The following TLL1 variants were observed in gnomAD, a reference collection of about 807,000 sequenced individuals.
TLL1 encodes tolloid like 1.
In TLL1, 49 loss-of-function variants were observed where a neutral mutation model predicts 128.2. The ratio of observed to expected loss-of-function variants is 0.38; its 90% CI spans 0.30 to 0.48. The LOEUF (loss-of-function observed/expected upper bound fraction) is 0.48. TLL1 is among the 20% of genes least tolerant of loss of function. TLL1 has a pLI of 0.96. For missense variants in TLL1, 1,123 were observed against 1,242.0 expected (o/e 0.90, Z 1.44); for synonymous variants, 454 against 418.8 (o/e 1.08, Z -1.03).
At chr4:165,960,648 G>T (rs750075400) in intron 1 of TLL1, among the ~76,000 whole-genome samples, 2 of 152,082 alleles carry the variant, frequency 1.3e-5, no homozygotes, top group Non-Finnish European at 2.9e-5. Context: ...GGGATGCAAG[G>T]TTGTTTCGAC....
chr4:165,986,075 A>T (rs1192118673), intron 1 of TLL1, among the ~76,000 whole-genome samples: 1 of 151,986 alleles, frequency 6.6e-6, no homozygotes, highest in East Asian at 1.9e-4. Flanking sequence ...GGGCCAAATG[A>T]ACGATAATTC....
chr4:166,051,987 A>G (rs1371995253), intron 12 of TLL1, among the ~76,000 whole-genome samples: 3 of 152,166 alleles, frequency 2.0e-5, no homozygotes, highest in South Asian at 2.1e-4. Flanking sequence ...TAAAATTACA[A>G]TTTTTACTAA....
chr4:165,925,295 A>T (rs78133053), intron 1 of TLL1, among the ~76,000 whole-genome samples: 2,610 of 152,340 alleles, frequency 0.017, 90 homozygotes, highest in African/African-American at 0.06. Flanking sequence ...TGCCATTATG[A>T]ACAATGAGAT....
At chr4:166,064,271 A>T (rs953576962) in intron 15 of TLL1, among the ~76,000 whole-genome samples, 1 of 152,058 alleles carries the variant, frequency 6.6e-6, no homozygotes, top group African/African-American at 2.4e-5. Context: ...ATTGATGTGA[A>T]CTTAGTGTTG....
chr4:166,031,557 AG>A (rs1738772489), intron 9 of TLL1, among the ~76,000 whole-genome samples: 1 of 151,814 alleles, frequency 6.6e-6, no homozygotes. Context: ...TAGTAGGGAC[AG>A]GGTTTCACCA....
intron 1 of TLL1, among the ~76,000 whole-genome samples, chr4:165,976,537 G>A (rs1299957661): frequency 6.6e-6 from 1 of 152,086 alleles, no homozygotes; most frequent in African/African-American, 2.4e-5. Flanking sequence ...GGTTTTTCTT[G>A]TAGCTTGACT....
At chr4:166,022,894 G>A (rs192884986) in intron 8 of TLL1, among the ~76,000 whole-genome samples, 302 of 152,220 alleles carry the variant, frequency 2.0e-3, no homozygotes, top group Non-Finnish European at 3.2e-3. Flanking sequence ...TAGAACATTG[G>A]TATGCTTCTT....
intron 12 of TLL1, among the ~76,000 whole-genome samples, chr4:166,052,210 A>G (rs1359983746): frequency 6.6e-6 from 1 of 152,202 alleles, no homozygotes; most frequent in African/African-American, 2.4e-5. Flanking sequence ...TCTTCTTAAA[A>G]TAGTAATTAA....
At chr4:166,071,203 A>G (rs1389426754) in intron 16 of TLL1, among the ~76,000 whole-genome samples, 2 of 151,892 alleles carry the variant, frequency 1.3e-5, no homozygotes, top group Non-Finnish European at 2.9e-5. Context: ...CTTTCTGCAA[A>G]GAGAAAATTT....
At position 166,003,579 on chromosome 4, in the gene TLL1, A is replaced by G; in HGVS notation, c.811+10A>G. 6.2e-7 allele frequency: 1 copy of G among 1,613,788 alleles called. No individual in the cohort carries two copies. The highest frequency in any genetic ancestry group is 8.5e-7 in the Non-Finnish European group (1 of 1,179,720). On this transcript the variant is annotated intron_variant, in intron 6 of 20. Transcript: ENST00000061240. The stretch of plus-strand genomic sequence containing the variant: ...GAAAACATCCAGCCAGGTGAGAGGC[A>G]TAGAATGTGTTGGGTTTAAGGCTGA...
chr4:166,059,657 A>T (rs6844089), intron 14 of TLL1, among the ~76,000 whole-genome samples: 65,237 of 151,592 alleles, frequency 0.43, 15,225 homozygotes, highest in African/African-American at 0.62. Context: ...CAAAAAAAAA[A>T]TTTTTTTCCT....
chr4:165,913,175 G>T (rs1211508303), intron 1 of TLL1, among the ~76,000 whole-genome samples: 5 of 152,084 alleles, frequency 3.3e-5, no homozygotes, highest in African/African-American at 1.2e-4. Context: ...ATGATAGTTT[G>T]TTATAATTAA....
chr4:166,082,602 C>G (rs1003828870), intron 18 of TLL1, among the ~76,000 whole-genome samples: 1 of 152,086 alleles, frequency 6.6e-6, no homozygotes, highest in African/African-American at 2.4e-5. Flanking sequence ...GAAATTTCAT[C>G]AAGATGTTAC....
intron 13 of TLL1, 88 bp downstream of exon 13, chr4:166,055,359 A>T: frequency 8.5e-7 from 1 of 1,174,954 alleles, no homozygotes; most frequent in Non-Finnish European, 1.2e-6. Flanking sequence ...AACTAGAGAA[A>T]GTTGTATTGA....
chr4:165,979,649 A>T (rs1333793563), intron 1 of TLL1, among the ~76,000 whole-genome samples: 1 of 152,090 alleles, frequency 6.6e-6, no homozygotes, highest in Non-Finnish European at 1.5e-5. Context: ...TTTGCCAGGC[A>T]TGGTGCTGTG....
At chr4:166,078,781 T>C (rs1741152473) in intron 18 of TLL1, among the ~76,000 whole-genome samples, 1 of 152,152 alleles carries the variant, frequency 6.6e-6, no homozygotes, top group African/African-American at 2.4e-5. Context: ...CAGAAGGCAG[T>C]GCCAACTAAC....
chr4:165,960,287 C>A (rs1246497559), intron 1 of TLL1, among the ~76,000 whole-genome samples: 1 of 151,978 alleles, frequency 6.6e-6, no homozygotes, highest in African/African-American at 2.4e-5. Context: ...CCTGAACAGA[C>A]CAATAATGAA....
At chr4:165,894,466 C>G (rs1229386438) in intron 1 of TLL1, among the ~76,000 whole-genome samples, 1 of 152,106 alleles carries the variant, frequency 6.6e-6, no homozygotes, top group Non-Finnish European at 1.5e-5. Flanking sequence ...TTAGAGTTCT[C>G]TACCCAGCAA....
At chr4:165,922,114 G>A (rs941772590) in intron 1 of TLL1, among the ~76,000 whole-genome samples, 1 of 152,136 alleles carries the variant, frequency 6.6e-6, no homozygotes, top group African/African-American at 2.4e-5. Flanking sequence ...GGAACCCAGG[G>A]AATCAGTGCT....
Sources: gnomAD v4.1 joint callset for allele counts (sites outside exome capture counted in the v4.1 genomes callset) on GRCh38, gnomAD v4.1.1 for gene constraint, MANE v1.5 for transcripts, NCBI Gene and HGNC (gene_info 2026-07-23, HGNC 2026-07-21) for gene names.